Variants in MRPS33 observed in about 807,000 individuals in gnomAD.
MRPS33 encodes the protein small ribosomal subunit protein mS33.
In MRPS33, 11 loss-of-function variants were observed where a neutral mutation model predicts 11.2. The observed-to-expected ratio is 0.99, with a 90% CI of 0.62 to 1.63. The LOEUF (loss-of-function observed/expected upper bound fraction) is 1.63, where lower values mean the gene tolerates loss of function less well. Among genes scored for constraint, MRPS33 ranks in the 40% most tolerant of loss-of-function variants. MRPS33 has a pLI of 0.00. For missense variants in MRPS33, 109 were observed against 127.8 expected (o/e 0.85, Z 0.71); for synonymous variants, 46 against 44.0 (o/e 1.05, Z -0.18).
chr7:141,007,444 T>C (rs1045940949), intron 2 of MRPS33, among the ~76,000 whole-genome samples: 5 of 152,066 alleles, frequency 3.3e-5, no homozygotes, highest in Admixed American at 1.3e-4. Context: ...TAGTGGTGAG[T>C]GTCCCCAAAT....
chr7:141,007,250 A>C (rs950386712), intron 2 of MRPS33, among the ~76,000 whole-genome samples: 15 of 152,138 alleles, frequency 9.9e-5, no homozygotes, highest in Non-Finnish European at 1.9e-4. Flanking sequence ...TCACGGCTCC[A>C]CCATTTACTA....
In MRPS33 at chr7:141,002,655, A is replaced by T. The variant is rs2129163560; in HGVS notation, c.*3775T>A. On this transcript the variant is annotated 3_prime_UTR_variant, in exon 3 of 3. Coordinates refer to ENST00000324787, the MANE Select transcript of MRPS33 (RefSeq NM_053035.3). Reference sequence around the variant, plus strand: ...TTCTTTCTTGGAAAATGATTTATAAATACAAGCATTATGGTTATATATGTT... The same window carrying T: ...TTCTTTCTTGGAAAATGATTTATAATTACAAGCATTATGGTTATATATGTT... 3.9e-6 allele frequency: 1 copy of T among 257,446 alleles called. No homozygotes were observed. Among genetic ancestry groups the T allele is most frequent in the Admixed American group, 4.8e-5 (1 of 20,648 alleles). The allele number at this position is 257,446 out of a possible 1,614,324, so 15.9% of individuals were successfully genotyped here.
rs1820447556 is a variant in MRPS33 at position 141,003,247 on chromosome 7, A to C, written c.*3183T>G. The C allele has an allele frequency of 6.6e-6, 1 of 152,348 alleles. No homozygotes were observed. Among genetic ancestry groups the C allele is most frequent in the Admixed American group, 6.5e-5 (1 of 15,296 alleles). 9.4% of individuals were successfully genotyped at this position (152,348 alleles called of 1,614,324 possible). On this transcript the variant is annotated 3_prime_UTR_variant, in exon 3 of 3. Coordinates refer to ENST00000324787, the MANE Select transcript of MRPS33 (RefSeq NM_053035.3). Reference sequence around the variant, plus strand: ...ACTGGCTAGTCTAAACTTGGAGTTAAAGATTTTTTTCTGATTACACTTAGT... The same window carrying C: ...ACTGGCTAGTCTAAACTTGGAGTTACAGATTTTTTTCTGATTACACTTAGT...
In MRPS33 at chr7:141,009,248, C is replaced by T. The variant is rs1186929846; in HGVS notation, c.215+1171G>A. Among the ~76,000 whole-genome samples the T allele has an allele frequency of 4.0e-5, 6 of 151,538 alleles. No individual in the cohort carries two copies. In the East Asian group the frequency reaches 1.2e-3, roughly 29 times the overall value. ...CTGGGTTCAAGCAATTCTCTTGCCT[C>T]AGCCTCCCAAGTAGCTGGAATTACA... On this transcript the variant is annotated intron_variant, in intron 2 of 2. Transcript: ENST00000324787.
At chr7:141,008,185 C>T (rs752034413) in intron 2 of MRPS33, among the ~76,000 whole-genome samples, 7 of 152,140 alleles carry the variant, frequency 4.6e-5, no homozygotes, top group Non-Finnish European at 1.0e-4. Flanking sequence ...CTAGTGACTA[C>T]GTGAAAATAA....
At chr7:141,010,970 G>T (rs554478601) in intron 1 of MRPS33, among the ~76,000 whole-genome samples, 4 of 152,198 alleles carry the variant, frequency 2.6e-5, no homozygotes, top group African/African-American at 9.6e-5. Flanking sequence ...GTAGGCTGGG[G>T]ATGAAGAAGA....
At chr7:141,012,865 T>G (rs1296438271) in intron 1 of MRPS33, among the ~76,000 whole-genome samples, 1 of 152,206 alleles carries the variant, frequency 6.6e-6, no homozygotes, top group South Asian at 2.1e-4. Context: ...CTTGGGTTAT[T>G]GTGAACAGTT....
Position 141,003,284 on chromosome 7 carries a change from C to G in MRPS33, c.*3146G>C, listed in dbSNP as rs985498321. ...TGATTACACTTAGTCACCATCTTAA[C>G]CATTGGTCACTGTTGTCCTGAAATT... is the stretch of plus-strand genomic sequence containing the variant. On this transcript the variant is annotated 3_prime_UTR_variant, in exon 3 of 3. Coordinates refer to ENST00000324787, the MANE Select transcript of MRPS33 (RefSeq NM_053035.3). 6.6e-6 allele frequency: 1 copy of G among 152,156 alleles called. No individual in the cohort carries two copies. The highest frequency in any genetic ancestry group is 2.4e-5 in the African/African-American group (1 of 41,430). The allele number at this position is 152,156 out of a possible 1,614,324, so 9.4% of individuals were successfully genotyped here.
Position 141,003,148 on chromosome 7 carries a change from C to G in MRPS33, c.*3282G>C, listed in dbSNP as rs1820445599. The G allele has an allele frequency of 6.6e-6, 1 of 152,158 alleles. No homozygotes were observed. Among genetic ancestry groups the G allele is most frequent in the Non-Finnish European group, 1.5e-5 (1 of 68,042 alleles). 9.4% of individuals were successfully genotyped at this position (152,158 alleles called of 1,614,324 possible). A position where few individuals can be genotyped will look rare whatever the true frequency, so the allele number is the denominator to read the frequency against. On this transcript the variant is annotated 3_prime_UTR_variant, in exon 3 of 3. Coordinates refer to ENST00000324787, the MANE Select transcript of MRPS33 (RefSeq NM_053035.3). Reference sequence around the variant, plus strand: ...ATGCTGAAATCGAGGGCAAAATGGTCTATGCACACTGATCCCCACAGGTTA... The same window carrying G: ...ATGCTGAAATCGAGGGCAAAATGGTGTATGCACACTGATCCCCACAGGTTA...
chr7:141,010,308 C>T, intron 2 of MRPS33, 111 bp downstream of exon 2: 1 of 1,000,298 alleles, frequency 1.0e-6, no homozygotes, highest in Non-Finnish European at 1.5e-6. Context: ...TTTGAACTAC[C>T]TGGGCTCTAT....
At chr7:141,014,135 T>C (rs1181185268) in intron 1 of MRPS33, among the ~76,000 whole-genome samples, 1 of 152,214 alleles carries the variant, frequency 6.6e-6, no homozygotes, top group African/African-American at 2.4e-5. Context: ...GTTTTTGTAA[T>C]GGTGCTTATT....
intron 2 of MRPS33, among the ~76,000 whole-genome samples, chr7:141,008,224 C>T (rs1171697201): frequency 6.6e-6 from 1 of 152,110 alleles, no homozygotes; most frequent in Admixed American, 6.6e-5. Context: ...AACTATTTTT[C>T]CCTGTCCCCA....
intron 2 of MRPS33, 64 bp downstream of exon 2, chr7:141,010,355 T>G: frequency 6.6e-7 from 1 of 1,519,980 alleles, no homozygotes; most frequent in Non-Finnish European, 9.0e-7. Flanking sequence ...AAGGCTAATT[T>G]TTTTCCTTTT....
intron 2 of MRPS33, among the ~76,000 whole-genome samples, chr7:141,009,446 T>C (rs1017406058): frequency 3.3e-5 from 5 of 152,218 alleles, no homozygotes; most frequent in Middle Eastern, 3.4e-3. Context: ...CTTTTTTTTT[T>C]TTTCAGAGAT....
chr7:141,008,168 A>C (rs1435335199), intron 2 of MRPS33, among the ~76,000 whole-genome samples: 2 of 152,204 alleles, frequency 1.3e-5, no homozygotes, highest in East Asian at 3.9e-4. Flanking sequence ...GGTATCATTT[A>C]CCATACCTAG....
In MRPS33 at chr7:141,006,218, C is replaced by A; in HGVS notation, c.*212G>T. The A allele has an allele frequency of 1.8e-6, 1 of 564,858 alleles. No homozygotes were observed. The highest frequency in any genetic ancestry group is 3.1e-6 in the Non-Finnish European group (1 of 317,684). 35.0% of individuals were successfully genotyped at this position (564,858 alleles called of 1,614,324 possible). ...AGAATCAGGTAAACCTCACATTACA[C>A]GGCCAAGGCCAAGATAATTTTGCAC... On this transcript the variant is annotated 3_prime_UTR_variant, in exon 3 of 3. Transcript: ENST00000324787.
In MRPS33 at chr7:141,006,128, C is replaced by T; in HGVS notation, c.*302G>A. ...CACTTAATGAGGTTTCCCCTCCATT[C>T]CCCCAGCATCCCATCCCACCCCAAA... On this transcript the variant is annotated 3_prime_UTR_variant, in exon 3 of 3. Transcript: ENST00000324787. 2.8e-6 allele frequency: 1 copy of T among 355,688 alleles called. No individual in the cohort carries two copies. Among genetic ancestry groups the T allele is most frequent in the Non-Finnish European group, 5.2e-6 (1 of 192,940 alleles). 22.0% of individuals were successfully genotyped at this position (355,688 alleles called of 1,614,324 possible).
At position 141,002,856 on chromosome 7, in the gene MRPS33, C is replaced by T. The variant is rs577420686; in HGVS notation, c.*3574G>A. On this transcript the variant is annotated 3_prime_UTR_variant, in exon 3 of 3. Coordinates refer to ENST00000324787, the MANE Select transcript of MRPS33 (RefSeq NM_053035.3). ...GGGAACTTTATATTTTTAGGAGATACGTGTCAATGCTGCCACAGAAAATTG... is the reference window on the plus strand; with the variant it reads ...GGGAACTTTATATTTTTAGGAGATATGTGTCAATGCTGCCACAGAAAATTG... The T allele has an allele frequency of 7.8e-5, 12 of 154,238 alleles. No individual in the cohort carries two copies. The highest frequency in any genetic ancestry group is 2.0e-4 in the South Asian group (1 of 4,974). 9.6% of individuals were successfully genotyped at this position (154,238 alleles called of 1,614,324 possible).
At chr7:141,007,609 C>A (rs1383732039) in intron 2 of MRPS33, among the ~76,000 whole-genome samples, 1 of 152,196 alleles carries the variant, frequency 6.6e-6, no homozygotes, top group Non-Finnish European at 1.5e-5. Context: ...CGTCTCCAGT[C>A]CCACACCCTC....
Sources: allele counts gnomAD v4.1 joint callset (sites outside exome capture counted in the v4.1 genomes callset), GRCh38; gene constraint gnomAD v4.1.1; transcripts MANE v1.5; gene names NCBI Gene and HGNC (gene_info 2026-07-23, HGNC 2026-07-21).